The following TIAM1 variants were observed in gnomAD, a reference collection of about 807,000 sequenced individuals.
TIAM1 encodes TIAM Rac1 associated GEF 1, also known as rho guanine nucleotide exchange factor TIAM1.
TIAM1 carries 65 observed loss-of-function variants against 163.5 expected under a neutral mutation model. The ratio of observed to expected loss-of-function variants is 0.40; its 90% CI spans 0.33 to 0.49. TIAM1 has a LOEUF of 0.49. TIAM1 is among the 20% of genes least tolerant of loss of function. The probability of loss-of-function intolerance (pLI) is 0.77; values close to 1 mark genes in which losing one functional copy is unlikely to be tolerated. For missense variants in TIAM1, 1,789 were observed against 2,044.7 expected, an observed-to-expected ratio of 0.87 and a Z score of 2.41; for synonymous variants, 833 against 810.1, an observed-to-expected ratio of 1.03 and a Z score of -0.48.
At chr21:31,160,481 G>T (rs2083861224) in intron 16 of TIAM1, 1 of 398,558 alleles carries the variant, frequency 2.5e-6, no homozygotes, top group Admixed American at 4.4e-5. Context: ...CACCGGACTT[G>T]TCATTGTTTT....
intron 2 of TIAM1, among the ~76,000 whole-genome samples, chr21:31,428,817 A>C (rs1434246374): frequency 6.6e-6 from 1 of 151,250 alleles, no homozygotes. Context: ...CAGGAGGCCA[A>C]GGCTGCAGTG....
At chr21:31,358,294 C>T (rs572644199) in intron 2 of TIAM1, among the ~76,000 whole-genome samples, 6 of 152,172 alleles carry the variant, frequency 3.9e-5, no homozygotes, top group Non-Finnish European at 8.8e-5. Context: ...CTTCTCCACG[C>T]GGTCCTGCTT....
chr21:31,257,896 C>T (rs1277097232), intron 4 of TIAM1, among the ~76,000 whole-genome samples: 2 of 151,056 alleles, frequency 1.3e-5, no homozygotes, highest in Non-Finnish European at 2.9e-5. Flanking sequence ...ATCTCCTCTC[C>T]CACCTCCACC....
At chr21:31,359,835 A>T (rs1259115267) in intron 2 of TIAM1, among the ~76,000 whole-genome samples, 1 of 135,356 alleles carries the variant, frequency 7.4e-6, no homozygotes, top group African/African-American at 2.9e-5. Context: ...GAAGGAAGGA[A>T]GGAAGGAAGG....
At chr21:31,369,171 A>G (rs956104550) in intron 2 of TIAM1, among the ~76,000 whole-genome samples, 1 of 148,304 alleles carries the variant, frequency 6.7e-6, no homozygotes, top group African/African-American at 2.5e-5. Context: ...GCTTGCAGTG[A>G]GCCGAGATTG....
chr21:31,279,415 T>C (rs2833359), intron 2 of TIAM1, among the ~76,000 whole-genome samples: 12,119 of 152,234 alleles, frequency 0.08, 1,221 homozygotes, highest in African/African-American at 0.24. Context: ...ACCATGGCAA[T>C]TTGGGAACTA....
At position 31,296,984 on chromosome 21, in the gene TIAM1, A is replaced by G. The variant is rs768595124; in HGVS notation, c.-188-20076T>C. 8.3e-4 allele frequency among the ~76,000 whole-genome samples: 126 copies of G among 152,194 alleles called. 1 individual carries two copies. The highest frequency in any genetic ancestry group is 1.2e-3 in the Non-Finnish European group (83 of 68,002). On this transcript the variant is annotated intron_variant, in intron 2 of 27. Coordinates refer to ENST00000541036, the MANE Select transcript of TIAM1 (RefSeq NM_001353694.2). ...GGCCTGGACTGGATTTCTGATCTGC[A>G]TTTCTCAAAGGCATATCCTTGACAT...
intron 6 of TIAM1, among the ~76,000 whole-genome samples, chr21:31,227,965 C>T (rs113300101): frequency 0.045 from 6,872 of 151,800 alleles, 445 homozygotes; most frequent in African/African-American, 0.15. Flanking sequence ...TGCAGTGGCG[C>T]GATCTCAGTT....
intron 6 of TIAM1, among the ~76,000 whole-genome samples, chr21:31,238,573 C>T (rs2071011707): frequency 6.6e-6 from 1 of 152,106 alleles, no homozygotes; most frequent in Admixed American, 6.5e-5. Flanking sequence ...CTTCTGATTC[C>T]ACTTGAGGGT....
chr21:31,167,103 T>TC (rs2084265985), intron 15 of TIAM1, among the ~76,000 whole-genome samples: 1 of 150,114 alleles, frequency 6.7e-6, no homozygotes, highest in South Asian at 2.2e-4. Flanking sequence ...TTTTTTTTTT[T>TC]TTTTTGAGAT....
At chr21:31,296,095 G>A (rs527547675) in intron 2 of TIAM1, among the ~76,000 whole-genome samples, 13 of 152,174 alleles carry the variant, frequency 8.5e-5, no homozygotes, top group East Asian at 1.9e-4. Flanking sequence ...CACCGCACCC[G>A]GCCAACTCCG....
intron 2 of TIAM1, among the ~76,000 whole-genome samples, chr21:31,427,999 T>G (rs574296252): frequency 1.3e-3 from 196 of 152,254 alleles, no homozygotes; most frequent in Middle Eastern, 3.4e-3. Flanking sequence ...CAGTGGCTCA[T>G]GCCTGTAATC....
intron 15 of TIAM1, among the ~76,000 whole-genome samples, chr21:31,166,675 G>C (rs1218385875): frequency 2.0e-5 from 3 of 152,200 alleles, no homozygotes; most frequent in Non-Finnish European, 4.4e-5. Context: ...TGCTCTTAAG[G>C]TGGTAGTGGT....
chr21:31,300,121 C>T (rs1353710365), intron 2 of TIAM1, among the ~76,000 whole-genome samples: 1 of 152,110 alleles, frequency 6.6e-6, no homozygotes, highest in African/African-American at 2.4e-5. Context: ...ACTGTCTTTG[C>T]GACAGTGGGT....
chr21:31,523,490 A>G (rs1424076939), intron 1 of TIAM1, among the ~76,000 whole-genome samples: 1 of 152,368 alleles, frequency 6.6e-6, no homozygotes, highest in East Asian at 1.9e-4. Flanking sequence ...GGGCAGCAGC[A>G]TGAAATAGCA....
intron 2 of TIAM1, among the ~76,000 whole-genome samples, chr21:31,300,119 T>C (rs1047307866): frequency 2.6e-5 from 4 of 152,162 alleles, no homozygotes; most frequent in African/African-American, 9.7e-5. Context: ...GTACTGTCTT[T>C]GCGACAGTGG....
chr21:31,265,646 A>G (rs2072715777), intron 4 of TIAM1, among the ~76,000 whole-genome samples: 2 of 152,198 alleles, frequency 1.3e-5, no homozygotes, highest in African/African-American at 4.8e-5. Context: ...TCTGCAACCC[A>G]CCATGCCTGT....
At chr21:31,203,433 T>C (rs2086303544) in intron 11 of TIAM1, among the ~76,000 whole-genome samples, 1 of 152,218 alleles carries the variant, frequency 6.6e-6, no homozygotes, top group South Asian at 2.1e-4. Context: ...CAATAGAAAT[T>C]TGATGCTGAA....
At chr21:31,511,980 C>T (rs2047224300) in intron 1 of TIAM1, among the ~76,000 whole-genome samples, 1 of 152,130 alleles carries the variant, frequency 6.6e-6, no homozygotes, top group Non-Finnish European at 1.5e-5. Context: ...GGTCAAGTGG[C>T]AAACCACAGC....
Sources: allele counts gnomAD v4.1 joint callset (sites outside exome capture counted in the v4.1 genomes callset), GRCh38; gene constraint gnomAD v4.1.1; transcripts MANE v1.5; gene names NCBI Gene and HGNC (gene_info 2026-07-23, HGNC 2026-07-21).